CATSPERE: variants seen among roughly 807,000 people sequenced by gnomAD.
CATSPERE encodes the protein catsper channel auxiliary subunit epsilon.
Under a neutral mutation model 114.1 loss-of-function variants are expected in CATSPERE, and 93 were observed. That is an observed-to-expected ratio of 0.81 (90% CI 0.69 to 0.97). CATSPERE has a LOEUF of 0.97. Among genes scored for constraint, CATSPERE ranks in the 50% least tolerant of loss-of-function variants. The pLI, the probability that CATSPERE is intolerant of heterozygous loss-of-function variation, is 0.00. For synonymous variants in CATSPERE, 341 were observed against 384.1 expected (o/e 0.89, Z 1.31); for missense variants, 1,058 against 1,131.6 (o/e 0.93, Z 0.93).
chr1:244,460,783 G>A (rs991396542), upstream of CATSPERE, among the ~76,000 whole-genome samples: 3 of 152,198 alleles, frequency 2.0e-5, no homozygotes, highest in Non-Finnish European at 4.4e-5. Context: ...GCCTTGTGGC[G>A]CACGCCTGTA....
chr1:244,555,384 A>C (rs1178515299), intron 9 of CATSPERE, among the ~76,000 whole-genome samples: 2 of 115,874 alleles, frequency 1.7e-5, no homozygotes, highest in African/African-American at 4.6e-5. Context: ...CTCCATCCCA[A>C]AAAAAAAAAA....
chr1:244,596,683 G>T (rs1668474107), intron 17 of CATSPERE, among the ~76,000 whole-genome samples: 1 of 151,674 alleles, frequency 6.6e-6, no homozygotes, highest in Non-Finnish European at 1.5e-5. Flanking sequence ...CTAGATGATG[G>T]CTTGATAGGC....
Position 244,575,804 on chromosome 1 carries a change from G to A in CATSPERE, c.1950+3032G>A, listed in dbSNP as rs565963979. Among the ~76,000 whole-genome samples, 19 of 151,864 alleles carry A rather than the reference G, an allele frequency of 1.3e-4. No homozygotes were observed. The highest frequency in any genetic ancestry group is 2.1e-4 in the Non-Finnish European group (14 of 67,946). On this transcript the variant is annotated intron_variant, in intron 11 of 21. Coordinates refer to ENST00000366534, the MANE Select transcript of CATSPERE (RefSeq NM_001130957.2). This position sits in a 1 kb window ranked among gnomAD's most constrained non-coding sequence, Gnocchi z 4.5. The stretch of plus-strand genomic sequence containing the variant: ...TGGAGCTTAGCCTCTTTCTTCCACC[G>A]AGAAGAGAGGAAAGGGAAGTTTTGA...
intron 7 of CATSPERE, among the ~76,000 whole-genome samples, chr1:244,508,457 C>T (rs1386472701): frequency 1.4e-4 from 22 of 151,864 alleles, no homozygotes; most frequent in East Asian, 7.8e-4. Flanking sequence ...CCCGCCACCA[C>T]GCCCAGCTAA....
At chr1:244,634,657 A>C (rs1331467574) in intron 20 of CATSPERE, among the ~76,000 whole-genome samples, 1 of 152,248 alleles carries the variant, frequency 6.6e-6, no homozygotes, top group African/African-American at 2.4e-5. Context: ...CAGCAGGGTC[A>C]GAAAAACCTG....
At chr1:244,613,092 T>C (rs1318039498) in intron 19 of CATSPERE, among the ~76,000 whole-genome samples, 1 of 152,222 alleles carries the variant, frequency 6.6e-6, no homozygotes, top group Non-Finnish European at 1.5e-5. Flanking sequence ...GATACAAGGC[T>C]ATTAGGTCTT....
At chr1:244,598,772 C>G (rs538587142) in intron 17 of CATSPERE, 1 of 164,428 alleles carries the variant, frequency 6.1e-6, no homozygotes, top group South Asian at 1.5e-4. Flanking sequence ...TCCCTGACCT[C>G]TTAGTGTTGG....
intron 7 of CATSPERE, among the ~76,000 whole-genome samples, chr1:244,500,952 C>A (rs1021847517): frequency 6.6e-6 from 1 of 152,196 alleles, no homozygotes; most frequent in Non-Finnish European, 1.5e-5. Context: ...GCCATTTTCA[C>A]AACATTGATT....
intron 8 of CATSPERE, among the ~76,000 whole-genome samples, chr1:244,547,734 T>G (rs1474682622): frequency 6.6e-6 from 1 of 152,072 alleles, no homozygotes; most frequent in East Asian, 1.9e-4. Flanking sequence ...AGAGAACATC[T>G]CTTAGCCAAA....
At chr1:244,470,134 G>A (rs537342515) in intron 2 of CATSPERE, among the ~76,000 whole-genome samples, 1 of 152,246 alleles carries the variant, frequency 6.6e-6, no homozygotes, top group East Asian at 1.9e-4. Context: ...CCTTGGATTA[G>A]GTGATGGTTG....
At chr1:244,589,374 A>G (rs1667427761) in intron 14 of CATSPERE, among the ~76,000 whole-genome samples, 1 of 152,192 alleles carries the variant, frequency 6.6e-6, no homozygotes, top group African/African-American at 2.4e-5. Flanking sequence ...ATTGATAATT[A>G]AGTATTTGCA....
intron 21 of CATSPERE, among the ~76,000 whole-genome samples, chr1:244,638,168 T>C (rs1019755423): frequency 2.0e-5 from 3 of 152,216 alleles, no homozygotes; most frequent in African/African-American, 7.2e-5. Flanking sequence ...AAGTATTGTC[T>C]ACACTCACAG....
rs56987777 is a variant in CATSPERE at position 244,508,985 on chromosome 1, C to CA, written c.430-9593dup. ...TGAGATTCTGTGCCCCTTCCCCCAC[C>CA]AAAAAAAAAAAAAATTGTGTCATTG... is the stretch of plus-strand genomic sequence containing the variant. On this transcript the variant is annotated intron_variant, in intron 7 of 21. Coordinates refer to ENST00000366534, the MANE Select transcript of CATSPERE (RefSeq NM_001130957.2). Among the ~76,000 whole-genome samples, 479 of 138,670 alleles carry CA rather than the reference C, an allele frequency of 3.5e-3. 1 individual carries two copies. The highest frequency in any genetic ancestry group is 5.0e-3 in the Non-Finnish European group (311 of 62,410). 91.0% of individuals were successfully genotyped at this position (138,670 alleles called of 152,430 possible).
At chr1:244,555,156 G>A (rs2148510155) in intron 9 of CATSPERE, among the ~76,000 whole-genome samples, 1 of 152,236 alleles carries the variant, frequency 6.6e-6, no homozygotes, top group East Asian at 1.9e-4. Flanking sequence ...GGAGGCCGAG[G>A]AGGGCAGATC....
chr1:244,575,068 T>C lies in CATSPERE; in HGVS notation c.1950+2296T>C, dbSNP rs1456424141. Among the ~76,000 whole-genome samples, 1 of 152,212 alleles carries C rather than the reference T, an allele frequency of 6.6e-6. No homozygotes were observed. The highest frequency in any genetic ancestry group is 6.5e-5 in the Admixed American group (1 of 15,286). On this transcript the variant is annotated intron_variant, in intron 11 of 21. Coordinates refer to ENST00000366534, the MANE Select transcript of CATSPERE (RefSeq NM_001130957.2). The surrounding 1 kb of genome is among the most constrained non-coding windows in gnomAD (Gnocchi z 4.5). ...TTTGCGCTGTCTCCCTCCTGAGTTC[T>C]CCCACTCTTGCAGCTGGCAGGGCCA... is the stretch of plus-strand genomic sequence containing the variant.
chr1:244,566,170 C>T (rs1319876320), intron 10 of CATSPERE, among the ~76,000 whole-genome samples: 1 of 152,166 alleles, frequency 6.6e-6, no homozygotes, highest in Non-Finnish European at 1.5e-5. Flanking sequence ...TTTGATTGCA[C>T]TGTGGTCTGA....
At chr1:244,551,746 A>T (rs1479518905) in intron 8 of CATSPERE, among the ~76,000 whole-genome samples, 1 of 152,192 alleles carries the variant, frequency 6.6e-6, no homozygotes. Context: ...TATAAAAATT[A>T]TGTATTAAGA....
intron 15 of CATSPERE, among the ~76,000 whole-genome samples, chr1:244,593,154 G>A (rs1297813178): frequency 2.6e-5 from 4 of 152,202 alleles, no homozygotes; most frequent in African/African-American, 9.6e-5. Context: ...AGCCTTGAAC[G>A]AGTTTCACAC....
At chr1:244,635,991 C>T (rs1285328594) in intron 21 of CATSPERE, among the ~76,000 whole-genome samples, 1 of 152,204 alleles carries the variant, frequency 6.6e-6, no homozygotes, top group Admixed American at 6.5e-5. Flanking sequence ...CCATCCCACT[C>T]AACAGCCACT....
Sources: gnomAD v4.1 joint callset for allele counts (sites outside exome capture counted in the v4.1 genomes callset) on GRCh38, gnomAD v4.1.1 for gene constraint, Gnocchi (gnomAD v3.1) non-coding constraint, MANE v1.5 for transcripts, NCBI Gene and HGNC (gene_info 2026-07-23, HGNC 2026-07-21) for gene names.